Variants in DIAPH1 observed in about 807,000 individuals in gnomAD.
DIAPH1 encodes protein diaphanous homolog 1.
A neutral mutation model predicts 140.7 loss-of-function variants in DIAPH1; 46 were observed. The ratio of observed to expected loss-of-function variants is 0.33; its 90% CI spans 0.26 to 0.42. The LOEUF (loss-of-function observed/expected upper bound fraction) is 0.42. Ranked by LOEUF, DIAPH1 falls within the 10% of genes least tolerant of loss-of-function variation. The pLI, the probability that DIAPH1 is intolerant of heterozygous loss-of-function variation, is 1.00. For missense variants in DIAPH1, 1,310 were observed against 1,558.7 expected (o/e 0.84, Z 2.69); for synonymous variants, 565 against 551.6 (o/e 1.02, Z -0.34).
intron 18 of DIAPH1, chr5:141,564,857 A>AT (rs2154596045): frequency 6.6e-6 from 1 of 152,356 alleles, no homozygotes; most frequent in East Asian, 1.9e-4. Context: ...TCAAGGTAAG[A>AT]AAGATAACCC....
intron 5 of DIAPH1, 51 bp downstream of exon 5, chr5:141,583,434 G>C: frequency 6.2e-7 from 1 of 1,614,006 alleles, no homozygotes; most frequent in Non-Finnish European, 8.5e-7. Context: ...ATCACCACCA[G>C]TGAAGTCCAA....
chr5:141,586,461 T>A (rs1027357968), intron 3 of DIAPH1, among the ~76,000 whole-genome samples: 2 of 152,220 alleles, frequency 1.3e-5, no homozygotes, highest in African/African-American at 4.8e-5. Flanking sequence ...TTTCCAAGAC[T>A]TACCACTAAT....
intron 20 of DIAPH1, 152 bp downstream of exon 20, chr5:141,529,451 G>T: frequency 1.1e-6 from 1 of 888,974 alleles, no homozygotes; most frequent in Non-Finnish European, 1.8e-6. Flanking sequence ...TATACCAGAA[G>T]TAATCTGACC....
At chr5:141,567,988 A>C (rs73280402) in intron 18 of DIAPH1, among the ~76,000 whole-genome samples, 166 of 152,354 alleles carry the variant, frequency 1.1e-3, no homozygotes, top group African/African-American at 3.8e-3. Context: ...TATTTGGAGA[A>C]CTGTTCTGAT....
chr5:141,560,808 G>C (rs2099893414), intron 18 of DIAPH1: 1 of 456,054 alleles, frequency 2.2e-6, no homozygotes, highest in Non-Finnish European at 4.4e-6. Context: ...GCAGAACAAA[G>C]AGAACAGATG....
intron 27 of DIAPH1, among the ~76,000 whole-genome samples, chr5:141,521,225 G>A (rs978629711): frequency 5.3e-5 from 8 of 152,206 alleles, no homozygotes; most frequent in Non-Finnish European, 1.0e-4. Context: ...TTATAGGGAA[G>A]CTGGGAAATG....
Position 141,573,629 on chromosome 5 carries a change from G to T in DIAPH1, c.2221C>A (p.Pro741Thr). ...GGAGGCATACCCATTCCGGGTGGAG[G>T]TGGAGGAATGCCAGGGCCTCCGGGA... is the stretch of plus-strand genomic sequence containing the variant. Reference protein sequence around the residue: ...PFPGGPGIPPPPPGMGMPPPP... With the variant: ...PFPGGPGIPPTPPGMGMPPPP... The change falls in exon 16 of 28, where the codon CCT (proline) becomes ACT (threonine). Residue 741 changes from proline to threonine, a missense_variant. Around this residue, in one of 3 missense-constraint regions of DIAPH1, gnomAD observed 589 missense variants for 549.3 expected, o/e 1.07. Coordinates refer to ENST00000389054, the MANE Select transcript of DIAPH1 (RefSeq NM_005219.5). 6.2e-7 allele frequency: 1 copy of T among 1,613,778 alleles called. No homozygotes were observed. The highest frequency in any genetic ancestry group is 8.5e-7 in the Non-Finnish European group (1 of 1,179,908).
chr5:141,583,230 T>C lies in DIAPH1; in HGVS notation c.596A>G (p.His199Arg), dbSNP rs2154596588. ...CCCAGCAGTCTCTTCTTTCTCATCA[T>C]GAAGTCGTTTAAGAATGTCCAATAA... ...ASLLDILKRL[H>R]DEKEETAGSY... Residue 199 changes from histidine to arginine, a missense_variant, in exon 6 of 28, where the codon CAT becomes CGT. By Grantham distance (29) the His-to-Arg change is conservative. This residue lies in a region of DIAPH1 where 377 missense variants were observed against 497.1 expected (regional missense o/e 0.76). Coordinates refer to ENST00000389054, the MANE Select transcript of DIAPH1 (RefSeq NM_005219.5). The C allele has an allele frequency of 6.8e-6, 11 of 1,614,216 alleles. No individual in the cohort carries two copies. The highest frequency in any genetic ancestry group is 7.6e-6 in the Non-Finnish European group (9 of 1,180,022).
At chr5:141,588,473 G>GAAAAAA (rs368869644) in intron 1 of DIAPH1, among the ~76,000 whole-genome samples, 19 of 86,648 alleles carry the variant, frequency 2.2e-4, no homozygotes, top group Non-Finnish European at 1.5e-4. Flanking sequence ...TCTTAAAAAG[G>GAAAAAA]AAAAAAAAAA....
chr5:141,579,025 ATGAATTTAAGTCTGTCCATCT>A, intron 9 of DIAPH1, 42 bp downstream of exon 9: 1 of 1,235,320 alleles, frequency 8.1e-7, no homozygotes, highest in Non-Finnish European at 1.2e-6. Context: ...AAAAGGTCAA[ATGAATTTAAGTCTGTCCATCT>A]TGAATTCTAT....
At chr5:141,557,074 G>C (rs1386757334) in intron 18 of DIAPH1, among the ~76,000 whole-genome samples, 3 of 152,176 alleles carry the variant, frequency 2.0e-5, no homozygotes, top group African/African-American at 7.2e-5. Context: ...AGAACCTATA[G>C]AGACATCAAC....
intron 3 of DIAPH1, among the ~76,000 whole-genome samples, chr5:141,585,669 G>A (rs2099897433): frequency 6.6e-6 from 1 of 152,032 alleles, no homozygotes; most frequent in African/African-American, 2.4e-5. Flanking sequence ...GCATGGTGGT[G>A]TCCACCTGTA....
At chr5:141,552,369 A>G (rs2099891831) in intron 18 of DIAPH1, among the ~76,000 whole-genome samples, 1 of 152,082 alleles carries the variant, frequency 6.6e-6, no homozygotes, top group Non-Finnish European at 1.5e-5. Flanking sequence ...GGATTCTTAT[A>G]AGAAGGAGAT....
chr5:141,594,109 T>C (rs1258655563), intron 1 of DIAPH1, among the ~76,000 whole-genome samples: 1 of 152,218 alleles, frequency 6.6e-6, no homozygotes, highest in Non-Finnish European at 1.5e-5. Context: ...GCAAGAACTT[T>C]CAATTCATGG....
At chr5:141,568,891 A>C (rs2099894758) in intron 18 of DIAPH1, among the ~76,000 whole-genome samples, 1 of 152,166 alleles carries the variant, frequency 6.6e-6, no homozygotes, top group Non-Finnish European at 1.5e-5. Context: ...ACCTGGACTG[A>C]AATCACCTAA....
At chr5:141,539,700 T>A (rs1340350384) in intron 18 of DIAPH1, among the ~76,000 whole-genome samples, 1 of 152,134 alleles carries the variant, frequency 6.6e-6, no homozygotes, top group African/African-American at 2.4e-5. Context: ...TTCATCTGGG[T>A]TATCTAATTT....
chr5:141,575,324 G>A (rs541911353), intron 14 of DIAPH1, among the ~76,000 whole-genome samples, 178 bp from the exon 15 acceptor site: 51 of 152,184 alleles, frequency 3.4e-4, no homozygotes, highest in African/African-American at 1.1e-3. Context: ...GGCCATGCTC[G>A]GGGGAAAAAA....
At chr5:141,584,539 A>C (rs1162489206) in intron 3 of DIAPH1, among the ~76,000 whole-genome samples, 3 of 152,238 alleles carry the variant, frequency 2.0e-5, no homozygotes, top group Non-Finnish European at 4.4e-5. Context: ...TTCTGCATCA[A>C]GGATGGACCT....
chr5:141,560,002 C>G (rs1185457250), intron 18 of DIAPH1, among the ~76,000 whole-genome samples: 1 of 152,170 alleles, frequency 6.6e-6, no homozygotes, highest in Non-Finnish European at 1.5e-5. Flanking sequence ...CTTCTAAATC[C>G]CATAATGATC....
Sources: allele counts gnomAD v4.1 joint callset (sites outside exome capture counted in the v4.1 genomes callset), GRCh38; gene constraint gnomAD v4.1.1; regional missense constraint gnomAD v4.1.1; transcripts MANE v1.5; gene names NCBI Gene and HGNC (gene_info 2026-07-23, HGNC 2026-07-21).